The following ETS1 variants were observed in gnomAD, a reference collection of about 807,000 sequenced individuals.
ETS1 encodes ETS proto-oncogene 1, transcription factor.
Under a neutral mutation model 58.6 loss-of-function variants are expected in ETS1, and 15 were observed. That is an observed-to-expected ratio of 0.26 (90% confidence interval 0.17 to 0.39). The LOEUF (loss-of-function observed/expected upper bound fraction) is 0.39. Ranked by LOEUF, ETS1 falls within the 10% of genes least tolerant of loss-of-function variation. The pLI, the probability that ETS1 is intolerant of heterozygous loss-of-function variation, is 1.00. For synonymous variants in ETS1, 214 were observed against 218.2 expected (o/e 0.98, Z 0.17); for missense variants, 417 against 610.5 (o/e 0.68, Z 3.34).
intron 3 of ETS1, among the ~76,000 whole-genome samples, chr11:128,494,420 G>A (rs193158229): frequency 1.9e-4 from 29 of 152,330 alleles, no homozygotes; most frequent in African/African-American, 7.0e-4. Context: ...AGATTGCACA[G>A]TATTTAGACA....
intron 8 of ETS1, among the ~76,000 whole-genome samples, chr11:128,475,485 T>C (rs1157017201): frequency 2.0e-5 from 3 of 151,416 alleles, no homozygotes; most frequent in South Asian, 2.1e-4. Flanking sequence ...GAGTCATCTA[T>C]GAAATGACAA....
At position 128,463,091 on chromosome 11, in the gene ETS1, G is replaced by T. The variant is rs752724348; in HGVS notation, c.1242+418C>A. On this transcript the variant is annotated intron_variant, in intron 9 of 9. Transcript: ENST00000392668. The surrounding 1 kb of genome is among the most constrained non-coding windows in gnomAD (Gnocchi z 4.1). ...TTCATTGTTTTTTATCCTCAGAATT[G>T]GGCATGGCACGGAACCACTACTCCA... Among the ~76,000 whole-genome samples the T allele has an allele frequency of 3.3e-5, 5 of 151,630 alleles. No homozygotes were observed. Among genetic ancestry groups the T allele is most frequent in the African/African-American group, 7.3e-5 (3 of 41,188 alleles).
At chr11:128,506,756 C>A (rs1863247577) in intron 3 of ETS1, among the ~76,000 whole-genome samples, 1 of 152,122 alleles carries the variant, frequency 6.6e-6, no homozygotes, top group Admixed American at 6.5e-5. Flanking sequence ...GTGGGAGAGG[C>A]TGGGCACGGG....
intron 8 of ETS1, among the ~76,000 whole-genome samples, chr11:128,470,023 A>G (rs1200839366): frequency 6.6e-6 from 1 of 152,254 alleles, no homozygotes; most frequent in African/African-American, 2.4e-5. Flanking sequence ...TTCAACTCAA[A>G]CAACAAAGAA....
intron 3 of ETS1, chr11:128,522,094 A>T: frequency 7.5e-7 from 1 of 1,324,572 alleles, no homozygotes; most frequent in South Asian, 2.0e-5. Context: ...GGGACGGGGG[A>T]AATCCGACTT....
At chr11:128,490,629 A>G in intron 3 of ETS1, 53 bp from the exon 4 acceptor site, 4 of 1,423,434 alleles carry the variant, frequency 2.8e-6, no homozygotes, top group South Asian at 1.2e-5. Flanking sequence ...TAATGAACCA[A>G]TCATAAAACA....
At chr11:128,553,158 T>C (rs766939692) in intron 3 of ETS1, among the ~76,000 whole-genome samples, 1 of 152,166 alleles carries the variant, frequency 6.6e-6, no homozygotes, top group Non-Finnish European at 1.5e-5. Flanking sequence ...CATTCATTCA[T>C]GCAGAACACC....
At chr11:128,571,432 C>T (rs1446628262) in intron 2 of ETS1, among the ~76,000 whole-genome samples, 1 of 142,696 alleles carries the variant, frequency 7.0e-6, no homozygotes, top group Non-Finnish European at 1.5e-5. Context: ...GGCGACAGAG[C>T]GAGACTCCGT....
chr11:128,561,162 G>A (rs1428625178), intron 2 of ETS1, among the ~76,000 whole-genome samples: 1 of 152,164 alleles, frequency 6.6e-6, no homozygotes. Flanking sequence ...ACTTCAAGCC[G>A]GAGGGCAGGG....
intron 3 of ETS1, among the ~76,000 whole-genome samples, chr11:128,519,482 T>C (rs1156509268): frequency 6.6e-6 from 1 of 152,192 alleles, no homozygotes; most frequent in Non-Finnish European, 1.5e-5. Context: ...GTCACAGCTG[T>C]GGATAAAAAG....
intron 2 of ETS1, among the ~76,000 whole-genome samples, chr11:128,559,370 T>C (rs1366997244): frequency 6.6e-6 from 1 of 152,218 alleles, no homozygotes; most frequent in African/African-American, 2.4e-5. Flanking sequence ...GGTAGCCATA[T>C]TGTAGGTCAA....
intron 3 of ETS1, among the ~76,000 whole-genome samples, chr11:128,505,782 G>A (rs967173474): frequency 6.6e-6 from 1 of 152,178 alleles, no homozygotes. Flanking sequence ...GGGAGAGACT[G>A]GGATGTGCAG....
chr11:128,520,911 A>C (rs562080594), intron 3 of ETS1, among the ~76,000 whole-genome samples: 78 of 152,310 alleles, frequency 5.1e-4, no homozygotes, highest in African/African-American at 1.9e-3. Flanking sequence ...AATCAGATAC[A>C]ACAGAGGAGC....
chr11:128,514,281 T>A (rs1169882775), intron 3 of ETS1, among the ~76,000 whole-genome samples: 2 of 152,160 alleles, frequency 1.3e-5, no homozygotes, highest in East Asian at 3.8e-4. Flanking sequence ...ATAAGCTTAC[T>A]CAATAACTCT....
chr11:128,525,780 T>C (rs1197718754), intron 3 of ETS1, among the ~76,000 whole-genome samples: 1 of 152,204 alleles, frequency 6.6e-6, no homozygotes, highest in East Asian at 1.9e-4. Flanking sequence ...GTGAGAAGTT[T>C]AGTCATTAAA....
chr11:128,546,493 A>T (rs1472932834), intron 3 of ETS1, among the ~76,000 whole-genome samples: 5 of 152,178 alleles, frequency 3.3e-5, no homozygotes, highest in Non-Finnish European at 7.3e-5. Context: ...TTTGCAAATA[A>T]CCTATGCACG....
intron 3 of ETS1, among the ~76,000 whole-genome samples, chr11:128,518,436 G>GT (rs1863580610): frequency 6.6e-6 from 1 of 152,184 alleles, no homozygotes; most frequent in Non-Finnish European, 1.5e-5. Flanking sequence ...ATCAGGCACT[G>GT]TTTTAAGATT....
intron 2 of ETS1, among the ~76,000 whole-genome samples, chr11:128,568,461 C>G (rs1864552162): frequency 6.6e-6 from 1 of 152,172 alleles, no homozygotes; most frequent in African/African-American, 2.4e-5. Flanking sequence ...ACTTCCTCCC[C>G]ATGGATGAAA....
rs1861903954 is a variant in ETS1, at chr11:128,461,498, G to T, written c.*863C>A. The T allele has an allele frequency of 6.6e-6, 1 of 152,554 alleles. No homozygotes were observed. Among genetic ancestry groups the T allele is most frequent in the African/African-American group, 2.4e-5 (1 of 41,378 alleles). 9.5% of individuals were successfully genotyped at this position (152,554 alleles called of 1,614,324 possible). On this transcript the variant is annotated 3_prime_UTR_variant, in exon 10 of 10. Transcript: ENST00000392668. ...AATCCACTGATAACAAGTAAGTAAAGGGATGTGCTAATTTTTTTTAATTGT... is the reference window on the plus strand; with the variant it reads ...AATCCACTGATAACAAGTAAGTAAATGGATGTGCTAATTTTTTTTAATTGT...
Sources: allele counts gnomAD v4.1 joint callset (sites outside exome capture counted in the v4.1 genomes callset), GRCh38; gene constraint gnomAD v4.1.1; non-coding constraint Gnocchi (gnomAD v3.1); transcripts MANE v1.5; gene names NCBI Gene and HGNC (gene_info 2026-07-23, HGNC 2026-07-21).